The following RALYL variants were observed in gnomAD, a reference collection of about 807,000 sequenced individuals.
RALYL encodes the protein RALY RNA binding protein like.
RALYL carries 29 observed loss-of-function variants against 35.1 expected under a neutral mutation model. That is an observed-to-expected ratio of 0.83 (90% CI 0.61 to 1.13). RALYL has a LOEUF of 1.13. RALYL is among the 50% of genes most tolerant of loss of function. The pLI is 0.00. For missense variants in RALYL, 359 were observed against 360.4 expected (o/e 1.00, Z 0.03); for synonymous variants, 120 against 127.6 (o/e 0.94, Z 0.40).
intron 1 of RALYL, among the ~76,000 whole-genome samples, chr8:84,232,607 A>G (rs184909142): frequency 1.2e-4 from 19 of 152,266 alleles, no homozygotes; most frequent in Admixed American, 2.0e-4. Flanking sequence ...CACCACAAAA[A>G]TGGTAACTAC....
At chr8:84,491,956 G>A (rs911108869) in intron 1 of RALYL, among the ~76,000 whole-genome samples, 3 of 151,590 alleles carry the variant, frequency 2.0e-5, no homozygotes, top group African/African-American at 7.3e-5. Flanking sequence ...AGCAAGTGAT[G>A]GGCAATTTGT....
intron 1 of RALYL, among the ~76,000 whole-genome samples, chr8:84,268,613 A>G (rs1833747573): frequency 1.3e-5 from 2 of 152,242 alleles, no homozygotes; most frequent in Admixed American, 6.5e-5. Context: ...ACGCGGAACT[A>G]CATTATAGTA....
intron 2 of RALYL, among the ~76,000 whole-genome samples, chr8:84,542,218 C>T (rs1216158995): frequency 2.0e-5 from 3 of 151,956 alleles, no homozygotes; most frequent in African/African-American, 7.3e-5. Flanking sequence ...TACCATTTTA[C>T]TTTTTTTATA....
chr8:84,529,910 CA>C (rs1467022442), intron 2 of RALYL, among the ~76,000 whole-genome samples: 1 of 152,022 alleles, frequency 6.6e-6, no homozygotes, highest in East Asian at 1.9e-4. Flanking sequence ...CTATCCTATG[CA>C]AAAAATAACT....
At chr8:84,739,679 G>C (rs922366621) in intron 2 of RALYL, among the ~76,000 whole-genome samples, 1 of 151,706 alleles carries the variant, frequency 6.6e-6, no homozygotes, top group Non-Finnish European at 1.5e-5. Flanking sequence ...TATCAATGTA[G>C]TTAGATGTAG....
At chr8:84,820,731 GTGT>G (rs1828342856) in intron 4 of RALYL, among the ~76,000 whole-genome samples, 1 of 152,012 alleles carries the variant, frequency 6.6e-6, no homozygotes, top group South Asian at 2.1e-4. Context: ...AGGCCCTGGT[GTGT>G]GATGTTCCCC....
chr8:84,526,443 A>C (rs2134852351), intron 1 of RALYL, among the ~76,000 whole-genome samples: 1 of 152,250 alleles, frequency 6.6e-6, no homozygotes, highest in Non-Finnish European at 1.5e-5. Flanking sequence ...TTAATTCTCC[A>C]GGTAGTCAAT....
chr8:84,823,493 G>T (rs1206506600), intron 4 of RALYL, among the ~76,000 whole-genome samples: 1 of 152,112 alleles, frequency 6.6e-6, no homozygotes, highest in Non-Finnish European at 1.5e-5. Flanking sequence ...TTGGAGATAG[G>T]TAGTAGCACC....
intron 1 of RALYL, among the ~76,000 whole-genome samples, chr8:84,192,906 T>TGG (rs771310412): frequency 0.044 from 2,597 of 59,132 alleles, 126 homozygotes; most frequent in East Asian, 0.11. Flanking sequence ...TGTGTGTGTG[T>TGG]GGGGGGGGGG....
chr8:84,664,972 T>G (rs1014085478), intron 2 of RALYL, among the ~76,000 whole-genome samples: 1 of 152,210 alleles, frequency 6.6e-6, no homozygotes, highest in African/African-American at 2.4e-5. Context: ...TTGTCATATA[T>G]GACTCTTATT....
chr8:84,359,592 A>G (rs1351699916), intron 1 of RALYL, among the ~76,000 whole-genome samples: 1 of 152,114 alleles, frequency 6.6e-6, no homozygotes, highest in East Asian at 1.9e-4. Context: ...GAAAATACCT[A>G]TTTAACTAAA....
intron 2 of RALYL, among the ~76,000 whole-genome samples, chr8:84,647,087 A>T (rs7008619): frequency 6.6e-6 from 1 of 151,952 alleles, no homozygotes; most frequent in Admixed American, 6.6e-5. Context: ...TTTTTGGGAG[A>T]AGGATCAATG....
intron 2 of RALYL, among the ~76,000 whole-genome samples, chr8:84,577,164 G>A (rs1244623962): frequency 1.3e-5 from 2 of 152,190 alleles, no homozygotes; most frequent in Non-Finnish European, 2.9e-5. Flanking sequence ...GTTGCGTTTG[G>A]CGTAATTACG....
intron 2 of RALYL, among the ~76,000 whole-genome samples, chr8:84,651,449 A>G (rs1181353029): frequency 6.6e-6 from 1 of 151,940 alleles, no homozygotes; most frequent in East Asian, 1.9e-4. Flanking sequence ...TAATTATGAG[A>G]CAAATAGGGA....
At chr8:84,810,408 G>A (rs1825654536) in intron 4 of RALYL, among the ~76,000 whole-genome samples, 1 of 152,044 alleles carries the variant, frequency 6.6e-6, no homozygotes, top group African/African-American at 2.4e-5. Flanking sequence ...CCTATTGTAT[G>A]GCCTATGTTT....
At chr8:84,402,289 C>A (rs986591249) in intron 1 of RALYL, among the ~76,000 whole-genome samples, 4 of 152,160 alleles carry the variant, frequency 2.6e-5, no homozygotes, top group Non-Finnish European at 5.9e-5. Flanking sequence ...ATAGCTCAAC[C>A]TAACTTTACT....
At chr8:84,216,941 A>G (rs1469771410) in intron 1 of RALYL, among the ~76,000 whole-genome samples, 1 of 152,136 alleles carries the variant, frequency 6.6e-6, no homozygotes, top group Non-Finnish European at 1.5e-5. Context: ...GTGGTGTATA[A>G]CCAGTATGCT....
chr8:84,682,564 G>C (rs112821095), intron 2 of RALYL, among the ~76,000 whole-genome samples: 7,973 of 152,034 alleles, frequency 0.052, 468 homozygotes, highest in African/African-American at 0.14. Flanking sequence ...CTGGTTTAGT[G>C]TTGGGAGAGT....
chr8:84,335,072 G>C (rs1445535598), intron 1 of RALYL, among the ~76,000 whole-genome samples: 1 of 152,136 alleles, frequency 6.6e-6, no homozygotes, highest in African/African-American at 2.4e-5. Context: ...TGGCAGAGGG[G>C]AGAGGCAGGA....
Sources: allele counts gnomAD v4.1 joint callset (sites outside exome capture counted in the v4.1 genomes callset), GRCh38; gene constraint gnomAD v4.1.1; transcripts MANE v1.5; gene names NCBI Gene and HGNC (gene_info 2026-07-23, HGNC 2026-07-21).